The following PLEKHH2 variants were observed in gnomAD, a reference collection of about 807,000 sequenced individuals.
The protein encoded by PLEKHH2 is pleckstrin homology domain-containing family H member 2.
A neutral mutation model predicts 187.9 loss-of-function variants in PLEKHH2; 129 were observed. The ratio of observed to expected loss-of-function variants is 0.69; its 90% CI spans 0.59 to 0.79. The LOEUF (loss-of-function observed/expected upper bound fraction) is 0.79, where lower values mean the gene tolerates loss of function less well. PLEKHH2 is among the 30% of genes least tolerant of loss of function. PLEKHH2 has a pLI of 0.00. For synonymous variants in PLEKHH2, 686 were observed against 605.6 expected (o/e 1.13, Z -1.95); for missense variants, 2,076 against 1,751.2 (o/e 1.19, Z -3.31).
chr2:43,764,285 G>A lies in PLEKHH2; in HGVS notation c.4216G>A (p.Asp1406Asn). Residue 1406 changes from aspartate (D) to asparagine (N), a missense_variant, in exon 29 of 30, where the codon GAT becomes AAT. Transcript: ENST00000282406. The stretch of plus-strand genomic sequence containing the variant: ...AATGACCTTTGGAGGCTATCAAGAT[G>A]ATTTTATGGTAGTCATTAACAATAC... ...SLMTFGGYQD[D>N]FMVVINNTHS... The A allele has an allele frequency of 6.3e-7, 1 of 1,596,678 alleles. No individual in the cohort carries two copies. The highest frequency in any genetic ancestry group is 8.5e-7 in the Non-Finnish European group (1 of 1,170,084).
chr2:43,744,867 C>CAAAAAAAA (rs774106764), intron 23 of PLEKHH2, among the ~76,000 whole-genome samples: 10 of 82,738 alleles, frequency 1.2e-4, no homozygotes, highest in East Asian at 4.1e-4. Context: ...GACTGTCTCA[C>CAAAAAAAA]AAAAAAAAAA....
intron 23 of PLEKHH2, among the ~76,000 whole-genome samples, chr2:43,745,088 C>T (rs1470990635): frequency 6.6e-6 from 1 of 151,800 alleles, no homozygotes; most frequent in Non-Finnish European, 1.5e-5. Flanking sequence ...CCAAGGCAGG[C>T]AGATCATTTG....
intron 21 of PLEKHH2, among the ~76,000 whole-genome samples, chr2:43,741,615 TA>T (rs1188704092): frequency 6.6e-6 from 1 of 152,176 alleles, no homozygotes; most frequent in Non-Finnish European, 1.5e-5. Context: ...ACTCTTGGAC[TA>T]AAGCAAACAC....
rs181664929 is a variant in PLEKHH2 at position 43,691,902 on chromosome 2, G to A, written c.187-612G>A. Among the ~76,000 whole-genome samples the A allele has an allele frequency of 3.4e-3, 524 of 152,156 alleles. 4 individuals carry two copies. Among genetic ancestry groups the A allele is most frequent in the Non-Finnish European group, 4.5e-3 (303 of 67,994 alleles). On this transcript the variant is annotated intron_variant, in intron 3 of 29. Coordinates refer to ENST00000282406, the MANE Select transcript of PLEKHH2 (RefSeq NM_172069.4). ...GCTTTCTCAGGGCCTGGAATAAGCC[G>A]GACACTTGACAGGTTTTCAGTGAAT...
chr2:43,677,254 T>A (rs1243553862), intron 2 of PLEKHH2, among the ~76,000 whole-genome samples: 2 of 152,012 alleles, frequency 1.3e-5, no homozygotes, highest in African/African-American at 4.8e-5. Flanking sequence ...AGAGGGGGAT[T>A]TGGCAGGGTC....
At chr2:43,711,435 T>C (rs1007482502) in intron 14 of PLEKHH2, 3 of 977,126 alleles carry the variant, frequency 3.1e-6, no homozygotes, top group Non-Finnish European at 3.6e-6. Flanking sequence ...GAGTTCATAA[T>C]ATCTAATCAC....
intron 8 of PLEKHH2, among the ~76,000 whole-genome samples, chr2:43,702,282 G>T (rs1669411524): frequency 6.6e-6 from 1 of 152,138 alleles, no homozygotes; most frequent in South Asian, 2.1e-4. Flanking sequence ...TAAGATGTAT[G>T]TGCTCTTATT....
chr2:43,639,464 T>C (rs1440071737), intron 1 of PLEKHH2, among the ~76,000 whole-genome samples: 3 of 152,160 alleles, frequency 2.0e-5, no homozygotes, highest in Non-Finnish European at 4.4e-5. Context: ...ACTAACCTAC[T>C]TTCTGTCCTT....
intron 27 of PLEKHH2, among the ~76,000 whole-genome samples, chr2:43,761,220 T>G (rs1484866946): frequency 2.0e-5 from 3 of 152,200 alleles, no homozygotes; most frequent in Admixed American, 2.0e-4. Context: ...GTCTTGACAT[T>G]GTTTTGTAAA....
intron 22 of PLEKHH2, among the ~76,000 whole-genome samples, chr2:43,743,390 C>T (rs1671653380): frequency 6.6e-6 from 1 of 152,132 alleles, no homozygotes; most frequent in South Asian, 2.1e-4. Context: ...TCTTTGTAGC[C>T]ATATGCCTTT....
intron 2 of PLEKHH2, among the ~76,000 whole-genome samples, chr2:43,666,082 G>A (rs967675311): frequency 2.7e-5 from 4 of 149,694 alleles, no homozygotes; most frequent in East Asian, 1.9e-4. Flanking sequence ...CCTTGCTGCC[G>A]CCTTGCAGTT....
At chr2:43,672,824 T>C (rs1667554699) in intron 2 of PLEKHH2, among the ~76,000 whole-genome samples, 1 of 152,208 alleles carries the variant, frequency 6.6e-6, no homozygotes, top group African/African-American at 2.4e-5. Flanking sequence ...TCATCATATA[T>C]GATGCAAACT....
In PLEKHH2 at chr2:43,743,182, C is replaced by T. The variant is rs114999965; in HGVS notation, c.3399+264C>T. Among the ~76,000 whole-genome samples the T allele has an allele frequency of 7.9e-3, 1,208 of 152,284 alleles. 18 individuals carry two copies. The highest frequency in any genetic ancestry group is 0.027 in the African/African-American group (1,141 of 41,558). On this transcript the variant is annotated intron_variant, in intron 22 of 29. Transcript: ENST00000282406. The stretch of plus-strand genomic sequence containing the variant: ...ATGGACAGAAAAATAAAAAACACTT[C>T]GGTTGGGGCTTTTTCCCATCAGTAC...
chr2:43,724,333 G>T (rs1391941547), intron 16 of PLEKHH2, among the ~76,000 whole-genome samples: 1 of 152,322 alleles, frequency 6.6e-6, no homozygotes, highest in Middle Eastern at 3.4e-3. Context: ...GCATGTAAAC[G>T]TGTGAGGTAA....
chr2:43,690,271 C>A (rs755048804), intron 3 of PLEKHH2, among the ~76,000 whole-genome samples: 1 of 152,130 alleles, frequency 6.6e-6, no homozygotes, highest in Admixed American at 6.5e-5. Flanking sequence ...TGCAGAAAGC[C>A]CACTATATTT....
intron 3 of PLEKHH2, chr2:43,692,266 T>A (rs1202251313): frequency 1.4e-5 from 4 of 285,346 alleles, no homozygotes; most frequent in Non-Finnish European, 2.6e-5. Context: ...CTAGGAAACA[T>A]GTACATTACT....
intron 3 of PLEKHH2, among the ~76,000 whole-genome samples, chr2:43,690,072 A>C (rs1668718918): frequency 6.6e-6 from 1 of 152,210 alleles, no homozygotes; most frequent in South Asian, 2.1e-4. Flanking sequence ...GAGGAGAACT[A>C]TCATTTTGGA....
intron 21 of PLEKHH2, among the ~76,000 whole-genome samples, chr2:43,741,575 C>T (rs1310012559): frequency 2.6e-5 from 4 of 152,164 alleles, no homozygotes; most frequent in African/African-American, 9.7e-5. Context: ...GTCATTTTGT[C>T]CACCAAGAGG....
At chr2:43,654,240 G>A (rs1020635937) in intron 2 of PLEKHH2, among the ~76,000 whole-genome samples, 2 of 152,096 alleles carry the variant, frequency 1.3e-5, no homozygotes, top group African/African-American at 2.4e-5. Flanking sequence ...CTGTTGCCAG[G>A]CTGGAGTGCA....
Sources: gnomAD v4.1 joint callset for allele counts (sites outside exome capture counted in the v4.1 genomes callset) on GRCh38, gnomAD v4.1.1 for gene constraint, MANE v1.5 for transcripts, NCBI Gene and HGNC (gene_info 2026-07-23, HGNC 2026-07-21) for gene names.